PHACTR3: variants seen among roughly 807,000 people sequenced by gnomAD.
PHACTR3 encodes protein phosphatase 1, regulatory subunit 123.
In PHACTR3, 16 loss-of-function variants were observed where a neutral mutation model predicts 66.8. The ratio of observed to expected loss-of-function variants is 0.24; its 90% CI spans 0.16 to 0.36. The LOEUF (loss-of-function observed/expected upper bound fraction) is 0.36. PHACTR3 is among the 10% of genes least tolerant of loss of function. The pLI is 1.00. For synonymous variants in PHACTR3, 323 were observed against 292.1 expected, an observed-to-expected ratio of 1.11 and a Z score of -1.08; for missense variants, 647 against 719.9, an observed-to-expected ratio of 0.90 and a Z score of 1.16.
chr20:59,784,864 C>A (rs1183147858), intron 7 of PHACTR3, among the ~76,000 whole-genome samples: 1 of 152,132 alleles, frequency 6.6e-6, no homozygotes, highest in Non-Finnish European at 1.5e-5. Flanking sequence ...CCTGGCATAC[C>A]GCAAGGGCTC....
chr20:59,767,443 T>C (rs778089004), intron 5 of PHACTR3, 48 bp downstream of exon 5: 7 of 1,555,470 alleles, frequency 4.5e-6, no homozygotes, highest in Middle Eastern at 2.2e-4. Context: ...CTCTGCCCCA[T>C]CCATCCATCT....
intron 8 of PHACTR3, among the ~76,000 whole-genome samples, chr20:59,828,888 C>T (rs2042267437): frequency 6.6e-6 from 1 of 151,990 alleles, no homozygotes; most frequent in Non-Finnish European, 1.5e-5. Flanking sequence ...CTCCATCATC[C>T]AGGGCTGAGG....
rs375397356 is a variant in PHACTR3, at chr20:59,774,300, G to A, written c.984G>A (p.Ser328=). 4.3e-5 allele frequency: 69 copies of A among 1,613,064 alleles called. No individual in the cohort carries two copies. In the Middle Eastern group the frequency reaches 1.2e-3, roughly 27 times the overall value. The part of the protein sequence containing the change: ...SPKKRLDVRL[S]RTSSVERGKE... The stretch of plus-strand genomic sequence containing the variant: ...AGAAGCGGCTGGATGTCCGTCTGTC[G>A]AGAACGTCCAGCGTGGAGCGGGGCA... The change falls in exon 7 of 13, where the codon TCG becomes TCA. Residue 328 remains serine, a synonymous_variant. Coordinates refer to ENST00000371015, the MANE Select transcript of PHACTR3 (RefSeq NM_080672.5).
At chr20:59,634,246 G>A (rs2034770956) in intron 1 of PHACTR3, among the ~76,000 whole-genome samples, 1 of 152,330 alleles carries the variant, frequency 6.6e-6, no homozygotes, top group South Asian at 2.1e-4. Context: ...GGTTGCAAGT[G>A]CAGCCTCTGA....
Position 59,830,297 on chromosome 20 carries a change from A to G in PHACTR3, c.1329-6208A>G, listed in dbSNP as rs1403623525. On this transcript the variant is annotated intron_variant, in intron 8 of 12. Coordinates refer to ENST00000371015, the MANE Select transcript of PHACTR3 (RefSeq NM_080672.5). The surrounding 1 kb of genome is among the most constrained non-coding windows in gnomAD (Gnocchi z 5.8). ...AGTGTCTGATGGAAGCAAGTGAGTG[A>G]TGGACAGTGTGAGTAGATGATGAAA... 7.0e-6 allele frequency among the ~76,000 whole-genome samples: 1 copy of G among 142,290 alleles called. No individual in the cohort carries two copies. The highest frequency in any genetic ancestry group is 1.5e-5 in the Non-Finnish European group (1 of 65,518). The allele number at this position is 142,290 out of a possible 152,430, so 93.3% of individuals were successfully genotyped here. A position where few individuals can be genotyped will look rare whatever the true frequency, so the allele number is the denominator to read the frequency against.
At chr20:59,725,681 A>G (rs2146699024) in intron 1 of PHACTR3, among the ~76,000 whole-genome samples, 1 of 152,286 alleles carries the variant, frequency 6.6e-6, no homozygotes, top group East Asian at 1.9e-4. Flanking sequence ...AAGGAGGGGT[A>G]GTATCAGGCA....
At chr20:59,794,131 AAAAAAAAAAAAAG>A (rs1196765633) in intron 7 of PHACTR3, among the ~76,000 whole-genome samples, 3 of 151,276 alleles carry the variant, frequency 2.0e-5, no homozygotes, top group African/African-American at 7.3e-5. Flanking sequence ...CTCAAAAAAA[AAAAAAAAAAAAAG>A]AGTGGTCATC....
At chr20:59,805,115 A>G (rs2041526937) in intron 7 of PHACTR3, among the ~76,000 whole-genome samples, 2 of 152,198 alleles carry the variant, frequency 1.3e-5, no homozygotes, top group Non-Finnish European at 1.5e-5. Flanking sequence ...TGAATTAACT[A>G]GCACCCACAT....
chr20:59,718,558 GC>G (rs2038179292), intron 1 of PHACTR3, among the ~76,000 whole-genome samples: 1 of 141,250 alleles, frequency 7.1e-6, no homozygotes, highest in South Asian at 2.2e-4. Context: ...CCCTTTTGAT[GC>G]TATAGAAAAA....
intron 1 of PHACTR3, among the ~76,000 whole-genome samples, chr20:59,730,146 C>T (rs1452322473): frequency 6.6e-6 from 1 of 152,126 alleles, no homozygotes; most frequent in Admixed American, 6.5e-5. Flanking sequence ...TCTCTGCTCT[C>T]ACGGTCAAGT....
At chr20:59,708,283 G>C (rs1309331311) in intron 1 of PHACTR3, among the ~76,000 whole-genome samples, 1 of 152,208 alleles carries the variant, frequency 6.6e-6, no homozygotes, top group Non-Finnish European at 1.5e-5. Context: ...TGGTGCCTGT[G>C]TCTCTCTAAT....
At chr20:59,813,037 T>A (rs1024652448) in intron 8 of PHACTR3, among the ~76,000 whole-genome samples, 1 of 152,192 alleles carries the variant, frequency 6.6e-6, no homozygotes, top group South Asian at 2.1e-4. Context: ...GGGAAGCTGA[T>A]GATACACTAT....
At chr20:59,785,601 CA>C (rs1288029908) in intron 7 of PHACTR3, among the ~76,000 whole-genome samples, 2 of 152,294 alleles carry the variant, frequency 1.3e-5, no homozygotes, top group East Asian at 1.9e-4. Context: ...GATGATTCGC[CA>C]GCGACCTGAG....
At chr20:59,811,567 G>A (rs1298018916) in intron 8 of PHACTR3, among the ~76,000 whole-genome samples, 1 of 152,190 alleles carries the variant, frequency 6.6e-6, no homozygotes, top group Non-Finnish European at 1.5e-5. Context: ...GCTGAGGCAG[G>A]AGAATCGCTT....
chr20:59,736,824 A>G lies in PHACTR3; in HGVS notation c.119-6283A>G, dbSNP rs1307179324. 6.6e-6 allele frequency among the ~76,000 whole-genome samples: 1 copy of G among 152,016 alleles called. No individual in the cohort carries two copies. The highest frequency in any genetic ancestry group is 1.5e-5 in the Non-Finnish European group (1 of 67,974). ...GCTCTCACAAGCCCTCCCCTGGCAC[A>G]GTCCTGGGCTTGAGCCACCCCAGGG... is the stretch of plus-strand genomic sequence containing the variant. On this transcript the variant is annotated intron_variant, in intron 1 of 12. Coordinates refer to ENST00000371015, the MANE Select transcript of PHACTR3 (RefSeq NM_080672.5). The surrounding 1 kb of genome is among the most constrained non-coding windows in gnomAD (Gnocchi z 4.6).
chr20:59,797,560 G>T (rs1379260695), intron 7 of PHACTR3, among the ~76,000 whole-genome samples: 1 of 152,102 alleles, frequency 6.6e-6, no homozygotes, highest in African/African-American at 2.4e-5. Context: ...TTCCAGGTGG[G>T]TGCAGTAATA....
chr20:59,763,935 GT>G (rs1568794262), intron 4 of PHACTR3, among the ~76,000 whole-genome samples: 1 of 152,204 alleles, frequency 6.6e-6, no homozygotes, highest in African/African-American at 2.4e-5. Flanking sequence ...AGTGTTAAAG[GT>G]CATCTTTCAT....
chr20:59,645,551 G>A (rs528287813), intron 1 of PHACTR3, among the ~76,000 whole-genome samples: 19 of 152,014 alleles, frequency 1.2e-4, no homozygotes, highest in South Asian at 1.0e-3. Flanking sequence ...ACCTCTCCTC[G>A]TCCTGCTTGA....
rs189881090 is a variant in PHACTR3, at chr20:59,768,858, C to T, written c.751+1463C>T. On this transcript the variant is annotated intron_variant, in intron 5 of 12. Transcript: ENST00000371015. ...GATTCTCAGCCAGATACCACAGAAA[C>T]GGAGGAGGTGAGATGCACCCCACAG... Among the ~76,000 whole-genome samples the T allele has an allele frequency of 4.8e-3, 729 of 152,310 alleles. 3 individuals carry two copies. The highest frequency in any genetic ancestry group is 0.017 in the African/African-American group (691 of 41,570).
Sources: allele counts gnomAD v4.1 joint callset (sites outside exome capture counted in the v4.1 genomes callset), GRCh38; gene constraint gnomAD v4.1.1; non-coding constraint Gnocchi (gnomAD v3.1); transcripts MANE v1.5; gene names NCBI Gene and HGNC (gene_info 2026-07-23, HGNC 2026-07-21).